DMD: variants seen among roughly 807,000 people sequenced by gnomAD.
The protein encoded by DMD is dystrophin.
A neutral mutation model predicts 330.1 loss-of-function variants in DMD; 63 were observed. That is an observed-to-expected ratio of 0.19 (90% CI 0.16 to 0.24). The LOEUF is 0.24. Ranked by LOEUF, DMD falls within the 10% of genes least tolerant of loss-of-function variation. The pLI is 1.00. For synonymous variants in DMD, 1,223 were observed against 959.8 expected (o/e 1.27, Z -5.07); for missense variants, 3,344 against 2,684.1 (o/e 1.25, Z -5.43).
intron 7 of DMD, among the ~76,000 whole-genome samples, chrX:32,774,068 G>A (rs1300257810): frequency 2.7e-5 from 3 of 111,369 alleles, no homozygotes; most frequent in South Asian, 7.5e-4. Context: ...AGATACACTC[G>A]CACAACAGTA....
chrX:32,448,339 G>C, intron 27 of DMD, 117 bp downstream of exon 27: 1 of 803,388 alleles, frequency 1.2e-6, no homozygotes, highest in South Asian at 2.2e-5. Flanking sequence ...ATAAGTGCCT[G>C]AATGAGGAAT....
intron 43 of DMD, among the ~76,000 whole-genome samples, chrX:32,264,047 C>T (rs1415534093): frequency 1.8e-5 from 2 of 111,554 alleles, no homozygotes; most frequent in Non-Finnish European, 3.8e-5. Flanking sequence ...TGTGTCCCCA[C>T]CCAAATCCCG....
intron 60 of DMD, among the ~76,000 whole-genome samples, chrX:31,404,302 T>C (rs2733464): frequency 0.31 from 34,710 of 110,838 alleles, 3,973 homozygotes; most frequent in Non-Finnish European, 0.36. Context: ...CTCCAGACTT[T>C]CTGTGTTTTG....
Position 32,468,494 on chromosome X carries a change from T to C in DMD, c.3162+4A>G, listed in dbSNP as rs189048508. On this transcript the variant is annotated splice_donor_region_variant and intron_variant, in intron 23 of 78. Transcript: ENST00000357033. ...TGAGGGTAGAAAGTAAAATCTTGAA[T>C]TACCTGAATTTTTCGGAGTTTATTC... 100 of 1,194,470 alleles carry C rather than the reference T, an allele frequency of 8.4e-5. No homozygotes were observed. The African/African-American group carries it at 1.5e-3, about 18-fold the overall frequency.
intron 54 of DMD, among the ~76,000 whole-genome samples, chrX:31,630,499 G>A (rs1199057179): frequency 9.0e-6 from 1 of 111,065 alleles, no homozygotes; most frequent in East Asian, 2.8e-4. Flanking sequence ...GAATCTATGT[G>A]TGTGTACGTT....
At chrX:31,122,321 G>C (rs1050769299) in intron 78 of DMD, among the ~76,000 whole-genome samples, 1 of 111,495 alleles carries the variant, frequency 9.0e-6, no homozygotes, top group Non-Finnish European at 1.9e-5. Context: ...ATGAGTGATT[G>C]ATTGATTACT....
At chrX:32,877,329 C>T (rs1469288203) in intron 2 of DMD, among the ~76,000 whole-genome samples, 4 of 112,658 alleles carry the variant, frequency 3.6e-5, no homozygotes, top group African/African-American at 1.3e-4. Flanking sequence ...CTTTGGAAAA[C>T]TATTTTGTTC....
chrX:31,607,767 C>T (rs55690014), intron 55 of DMD, among the ~76,000 whole-genome samples: 7,684 of 112,014 alleles, frequency 0.069, 307 homozygotes, highest in Admixed American at 0.17. Context: ...GTCGTCAAGA[C>T]AAATCCATTG....
At chrX:32,198,325 C>G (rs759723366) in intron 44 of DMD, among the ~76,000 whole-genome samples, 47 of 111,540 alleles carry the variant, frequency 4.2e-4, no homozygotes, top group Non-Finnish European at 1.7e-4. Context: ...AAAAGATGAT[C>G]GTGTGTGTTT....
chrX:33,172,521 C>T (rs190230277), intron 1 of DMD, among the ~76,000 whole-genome samples: 6 of 110,948 alleles, frequency 5.4e-5, no homozygotes, highest in Non-Finnish European at 9.5e-5. Flanking sequence ...GGAGAAAAAT[C>T]GAAACAGAGA....
chrX:32,464,763 T>C, intron 23 of DMD, 64 bp from the exon 24 acceptor site: 1 of 812,452 alleles, frequency 1.2e-6, no homozygotes, highest in East Asian at 3.2e-5. Flanking sequence ...AATTCATCAT[T>C]GTGTTATGTC....
At chrX:31,989,652 G>GA (rs376229996) in intron 44 of DMD, among the ~76,000 whole-genome samples, 4 of 110,315 alleles carry the variant, frequency 3.6e-5, no homozygotes, top group African/African-American at 1.3e-4. Flanking sequence ...CTAATACGGG[G>GA]AAAAAAACAT....
intron 2 of DMD, among the ~76,000 whole-genome samples, chrX:32,862,242 T>TC (rs758182095): frequency 1.8e-3 from 206 of 112,253 alleles, no homozygotes; most frequent in African/African-American, 6.5e-3. Flanking sequence ...GTTTTTATAA[T>TC]CTCTCCAGAT....
chrX:31,951,123 A>C, intron 45 of DMD, among the ~76,000 whole-genome samples: 1 of 60,887 alleles, frequency 1.6e-5, no homozygotes, highest in East Asian at 5.7e-4. Context: ...ATATATATAC[A>C]TATATATATA....
chrX:32,726,080 C>A (rs2147965294), intron 7 of DMD, among the ~76,000 whole-genome samples: 1 of 110,972 alleles, frequency 9.0e-6, no homozygotes, highest in East Asian at 2.8e-4. Flanking sequence ...ATACTTTTAT[C>A]CAATATATAT....
chrX:31,675,147 A>G (rs2082005195), intron 53 of DMD, among the ~76,000 whole-genome samples: 2 of 112,292 alleles, frequency 1.8e-5, no homozygotes, highest in African/African-American at 6.5e-5. Flanking sequence ...GGGTGAAAGA[A>G]AACAATTACC....
intron 30 of DMD, among the ~76,000 whole-genome samples, chrX:32,394,916 C>CAAACAAACAAAAA (rs2098030184): frequency 2.6e-5 from 1 of 39,033 alleles, no homozygotes; most frequent in African/African-American, 7.9e-5. Context: ...AACAAAAAAA[C>CAAACAAACAAAAA]AAAAAAAAAA....
At chrX:33,288,928 C>T (rs5928227) in intron 1 of DMD, among the ~76,000 whole-genome samples, 22,675 of 110,338 alleles carry the variant, frequency 0.21, 1,900 homozygotes, top group African/African-American at 0.3. Flanking sequence ...TTACTATAGA[C>T]ACAAGCAAAT....
intron 60 of DMD, among the ~76,000 whole-genome samples, chrX:31,373,281 G>A (rs2059696084): frequency 9.4e-6 from 1 of 106,496 alleles, no homozygotes. Flanking sequence ...TCCCCATCAA[G>A]CTACCAATGA....
Sources: allele counts gnomAD v4.1 joint callset (sites outside exome capture counted in the v4.1 genomes callset), GRCh38; gene constraint gnomAD v4.1.1; transcripts MANE v1.5; gene names NCBI Gene and HGNC (gene_info 2026-07-23, HGNC 2026-07-21).